SPTY2D1: variants seen among roughly 807,000 people sequenced by gnomAD.
SPTY2D1 encodes the protein protein SPT2 homolog.
SPTY2D1 carries 21 observed loss-of-function variants against 64.0 expected under a neutral mutation model. The observed-to-expected ratio is 0.33, with a 90% confidence interval of 0.23 to 0.47. The LOEUF is 0.47. SPTY2D1 is among the 20% of genes least tolerant of loss of function. The pLI is 1.00. For missense variants in SPTY2D1, 724 were observed against 837.2 expected (o/e 0.86, Z 1.67); for synonymous variants, 287 against 286.8 (o/e 1.00, Z -0.01).
chr11:18,609,470 C>T lies in SPTY2D1; in HGVS notation c.*391G>A, dbSNP rs1235564369. 2 of 188,654 alleles carry T rather than the reference C, an allele frequency of 1.1e-5. No individual in the cohort carries two copies. Among genetic ancestry groups the T allele is most frequent in the Middle Eastern group, 2.4e-3 (1 of 418 alleles). 11.7% of individuals were successfully genotyped at this position (188,654 alleles called of 1,614,324 possible). On this transcript the variant is annotated 3_prime_UTR_variant, in exon 6 of 6. Coordinates refer to ENST00000336349, the MANE Select transcript of SPTY2D1 (RefSeq NM_194285.3). ...AAGTTTGATTGGGAGCAGGGCAGTGCCCTACTCACAGATCAGCAGAAGAAT... is the reference window on the plus strand; with the variant it reads ...AAGTTTGATTGGGAGCAGGGCAGTGTCCTACTCACAGATCAGCAGAAGAAT...
In SPTY2D1 at chr11:18,606,899, CA is replaced by C. The variant is rs1442411882; in HGVS notation, c.*2961del. 3.0e-6 allele frequency: 1 copy of C among 337,990 alleles called. No homozygotes were observed. The highest frequency in any genetic ancestry group is 5.5e-6 in the Non-Finnish European group (1 of 182,000). The allele number at this position is 337,990 out of a possible 1,614,324, so 20.9% of individuals were successfully genotyped here. On this transcript the variant is annotated 3_prime_UTR_variant, in exon 6 of 6. Transcript: ENST00000336349. Reference sequence around the variant, plus strand: ...TTTTTGACATGGAGTCTCGCTCTGTCACCCAGCCTGGAGTGCAGTGGTGCTA... The same window carrying C: ...TTTTTGACATGGAGTCTCGCTCTGTCCCCAGCCTGGAGTGCAGTGGTGCTA...
rs998392424 is a variant in SPTY2D1 at position 18,634,113 on chromosome 11, G to A, written c.60+85C>T. ...CTTTCCTCTCCCGGAGCCGATAGGC[G>A]GCTGCCCAGAAGTTCCATGGGCCAC... On this transcript the variant is annotated intron_variant, in intron 1 of 5. Coordinates refer to ENST00000336349, the MANE Select transcript of SPTY2D1 (RefSeq NM_194285.3). 5.4e-6 allele frequency: 8 copies of A among 1,472,326 alleles called. No homozygotes were observed. The Admixed American group carries it at 6.9e-5, about 13-fold the overall frequency. The allele number at this position is 1,472,326 out of a possible 1,614,324, so 91.2% of individuals were successfully genotyped here.
At chr11:18,629,104 T>A (rs968537951) in intron 1 of SPTY2D1, among the ~76,000 whole-genome samples, 4 of 152,210 alleles carry the variant, frequency 2.6e-5, no homozygotes, top group Admixed American at 1.3e-4. Flanking sequence ...TTTGTGGCAG[T>A]GGAGGTCATA....
chr11:18,628,770 G>A (rs1271564434), intron 1 of SPTY2D1, among the ~76,000 whole-genome samples: 1 of 152,184 alleles, frequency 6.6e-6, no homozygotes, highest in East Asian at 1.9e-4. Context: ...ATCCATTATA[G>A]ATCAAACATT....
At chr11:18,630,606 G>C (rs140701984) in intron 1 of SPTY2D1, among the ~76,000 whole-genome samples, 3 of 152,316 alleles carry the variant, frequency 2.0e-5, no homozygotes, top group Non-Finnish European at 4.4e-5. Flanking sequence ...GAACTCTGAA[G>C]ACTGAAATTC....
Position 18,609,819 on chromosome 11 carries a change from C to T in SPTY2D1, c.*42G>A. ...TCAGTCTGAAGGCAGGAAATCCTTG[C>T]AGCAGAGCAGCTCTAGAATTTCACA... On this transcript the variant is annotated 3_prime_UTR_variant, in exon 6 of 6. Coordinates refer to ENST00000336349, the MANE Select transcript of SPTY2D1 (RefSeq NM_194285.3). 2 of 1,580,916 alleles carry T rather than the reference C, an allele frequency of 1.3e-6. No homozygotes were observed. The highest frequency in any genetic ancestry group is 1.7e-5 in the Admixed American group (1 of 59,004).
rs1565158878 is a variant in SPTY2D1, at chr11:18,614,959, C to A, written c.1315G>T (p.Ala439Ser). The A allele has an allele frequency of 6.2e-7, 1 of 1,614,010 alleles. No homozygotes were observed. The highest frequency in any genetic ancestry group is 8.5e-7 in the Non-Finnish European group (1 of 1,179,934). The stretch of plus-strand genomic sequence containing the variant: ...CGCCCAGGGCCACCTGAGCTGCTTG[C>A]AGGTTGTCCAGGGCCACATGTACCA... ...VSGTCGPGQP[A>S]SSSGGPGRPI... The change falls in exon 3 of 6, where the codon GCA becomes TCA. Residue 439 changes from alanine to serine, a missense_variant. This residue lies in a region of SPTY2D1 where 426 missense variants were observed against 431.8 expected (regional missense o/e 0.99). Coordinates refer to ENST00000336349, the MANE Select transcript of SPTY2D1 (RefSeq NM_194285.3).
chr11:18,611,291 A>G (rs1356486661), intron 5 of SPTY2D1, among the ~76,000 whole-genome samples, 186 bp downstream of exon 5: 1 of 152,232 alleles, frequency 6.6e-6, no homozygotes, highest in Non-Finnish European at 1.5e-5. Flanking sequence ...AAAAAACAAA[A>G]AAACAAAAAC....
In SPTY2D1 at chr11:18,615,453, T is replaced by C. The variant is rs1440319674; in HGVS notation, c.821A>G (p.His274Arg). ...KSRPSMANEK[H>R]LALSSSKSMP... is the part of the protein sequence containing the mutation. Reference sequence around the variant, plus strand: ...GGATTTGGATGAAGACAAAGCGAGGTGTTTCTCATTGGCCATGCTGGGTCT... The same window carrying C: ...GGATTTGGATGAAGACAAAGCGAGGCGTTTCTCATTGGCCATGCTGGGTCT... Residue 274 changes from histidine to arginine, a missense_variant, in exon 3 of 6, where the codon CAC (histidine) becomes CGC (arginine). By Grantham distance (29) the His-to-Arg change is conservative. This residue lies in a region of SPTY2D1 where 426 missense variants were observed against 431.8 expected (regional missense o/e 0.99). Coordinates refer to ENST00000336349, the MANE Select transcript of SPTY2D1 (RefSeq NM_194285.3). 1.4e-5 allele frequency: 22 copies of C among 1,613,928 alleles called. No individual in the cohort carries two copies. Among genetic ancestry groups the C allele is most frequent in the Non-Finnish European group, 1.9e-5 (22 of 1,180,024 alleles).
In SPTY2D1 at chr11:18,612,412, TTCA is replaced by T. The variant is rs767638403; in HGVS notation, c.1785_1787del (p.Asp595del). On this transcript the variant is annotated inframe_deletion, in exon 4 of 6. Transcript: ENST00000336349. This position sits in a 1 kb window ranked among gnomAD's most constrained non-coding sequence, Gnocchi z 4.6. ...TAAAATCTTCCATTTCAGAGTCGTA[TTCA>T]TCATCATCGTCATCTTCCTCTTCAT... 4.3e-6 allele frequency: 7 copies of T among 1,610,910 alleles called. No individual in the cohort carries two copies. The African/African-American group carries it at 8.0e-5, about 18-fold the overall frequency.
At chr11:18,633,309 C>A (rs1004374265) in intron 1 of SPTY2D1, among the ~76,000 whole-genome samples, 1 of 152,140 alleles carries the variant, frequency 6.6e-6, no homozygotes, top group African/African-American at 2.4e-5. Context: ...CTTTGAGAGC[C>A]GTTTTAGTTC....
intron 1 of SPTY2D1, among the ~76,000 whole-genome samples, chr11:18,625,149 T>C (rs1221825999): frequency 1.3e-5 from 2 of 152,244 alleles, no homozygotes; most frequent in African/African-American, 4.8e-5. Context: ...ATTCAAAGAA[T>C]GCTGCATCCT....
chr11:18,622,101 A>AAAAAAAAAC lies in SPTY2D1; in HGVS notation c.61-5113_61-5112insGTTTTTTTT, dbSNP rs71050618. ...GACCCTATCTCAAAAAAAAAAAAAA[A>AAAAAAAAAC]AAACCAAAACCAAAACCAAAAAAAC... is the stretch of plus-strand genomic sequence containing the variant. On this transcript the variant is annotated intron_variant, in intron 1 of 5. Coordinates refer to ENST00000336349, the MANE Select transcript of SPTY2D1 (RefSeq NM_194285.3). Among the ~76,000 whole-genome samples the AAAAAAAAAC allele has an allele frequency of 7.4e-5, 6 of 81,282 alleles. 3 individuals carry two copies. Among genetic ancestry groups the AAAAAAAAAC allele is most frequent in the Admixed American group, 4.3e-4 (2 of 4,662 alleles). The allele number at this position is 81,282 out of a possible 152,430, so 53.3% of individuals were successfully genotyped here.
chr11:18,622,540 T>C (rs1036646895), intron 1 of SPTY2D1, among the ~76,000 whole-genome samples: 6 of 151,618 alleles, frequency 4.0e-5, no homozygotes, highest in African/African-American at 1.5e-4. Flanking sequence ...AATAAAATCT[T>C]TGAGATAAAA....
chr11:18,612,275 A>C lies in SPTY2D1; in HGVS notation c.1886+39T>G. On this transcript the variant is annotated intron_variant, in intron 4 of 5. Coordinates refer to ENST00000336349, the MANE Select transcript of SPTY2D1 (RefSeq NM_194285.3). This position sits in a 1 kb window ranked among gnomAD's most constrained non-coding sequence, Gnocchi z 4.6. Reference sequence around the variant, plus strand: ...ATGACATGAATTATTCAAAATAAAAAAAGGATGTCATAGTTATCTGAATCT... The same window carrying C: ...ATGACATGAATTATTCAAAATAAAACAAGGATGTCATAGTTATCTGAATCT... 1 of 1,512,684 alleles carries C rather than the reference A, an allele frequency of 6.6e-7. No homozygotes were observed. The highest frequency in any genetic ancestry group is 1.3e-5 in the South Asian group (1 of 77,610). 93.7% of individuals were successfully genotyped at this position (1,512,684 alleles called of 1,614,324 possible). A position where few individuals can be genotyped will look rare whatever the true frequency, so the allele number is the denominator to read the frequency against.
chr11:18,624,924 G>A (rs1344479945), intron 1 of SPTY2D1, among the ~76,000 whole-genome samples: 2 of 152,262 alleles, frequency 1.3e-5, no homozygotes, highest in East Asian at 1.9e-4. Context: ...GCTTGAACCC[G>A]GGAGGCAGAG....
Position 18,624,482 on chromosome 11 carries a change from A to G in SPTY2D1, c.61-7493T>C, listed in dbSNP as rs866231498. Among the ~76,000 whole-genome samples, 11 of 152,332 alleles carry G rather than the reference A, an allele frequency of 7.2e-5. No individual in the cohort carries two copies. In the Middle Eastern group the frequency reaches 0.01, roughly 141 times the overall value. ...AACTCAGTCATTCTGCTACACCCCAATGAATGATCCACCACAGTGAAGCTT... is the reference window on the plus strand; with the variant it reads ...AACTCAGTCATTCTGCTACACCCCAGTGAATGATCCACCACAGTGAAGCTT... On this transcript the variant is annotated intron_variant, in intron 1 of 5. Coordinates refer to ENST00000336349, the MANE Select transcript of SPTY2D1 (RefSeq NM_194285.3).
chr11:18,617,751 G>C (rs1446647866), intron 1 of SPTY2D1, among the ~76,000 whole-genome samples: 1 of 151,900 alleles, frequency 6.6e-6, no homozygotes, highest in Non-Finnish European at 1.5e-5. Flanking sequence ...CAACCAGCCT[G>C]GCCAACATAG....
In SPTY2D1 at chr11:18,616,134, G is replaced by A. The variant is rs115885210; in HGVS notation, c.176-36C>T. The A allele has an allele frequency of 3.4e-4, 513 of 1,527,706 alleles. 2 individuals carry two copies. The African/African-American group carries it at 5.0e-3, about 15-fold the overall frequency. The allele number at this position is 1,527,706 out of a possible 1,614,324, so 94.6% of individuals were successfully genotyped here. ...CAAAACAAGAATATGTTATTACTTC[G>A]AGATCTCAAGATTGCAGTATGCTCA... On this transcript the variant is annotated intron_variant, in intron 2 of 5. Transcript: ENST00000336349.
Sources: allele counts gnomAD v4.1 joint callset (sites outside exome capture counted in the v4.1 genomes callset), GRCh38; gene constraint gnomAD v4.1.1; regional missense constraint gnomAD v4.1.1; non-coding constraint Gnocchi (gnomAD v3.1); transcripts MANE v1.5; gene names NCBI Gene and HGNC (gene_info 2026-07-23, HGNC 2026-07-21).